Variants in ZNF469 observed in about 807,000 individuals in gnomAD.
The protein encoded by ZNF469 is zinc finger protein 469.
ZNF469 carries 1 observed loss-of-function variant against 1.0 expected under a neutral mutation model. The observed-to-expected ratio is 1.00, with a 90% confidence interval of 0.35 to 4.73. ZNF469 has a LOEUF of 4.73. Among genes scored for constraint, ZNF469 ranks in the 30% most tolerant of loss-of-function variants. The pLI is 0.16. For synonymous variants in ZNF469, 2,703 were observed against 2,363.4 expected, an observed-to-expected ratio of 1.14 and a Z score of -4.17; for missense variants, 6,100 against 5,356.3, an observed-to-expected ratio of 1.14 and a Z score of -4.33.
rs371091595 is a variant in ZNF469, at chr16:88,427,506, C to G, written c.36C>G (p.Pro12=). The G allele has an allele frequency of 9.8e-6, 15 of 1,531,360 alleles. 1 individual carries two copies. The African/African-American group carries it at 1.2e-4, about 13-fold the overall frequency. The allele number at this position is 1,531,360 out of a possible 1,614,324, so 94.9% of individuals were successfully genotyped here. The change falls in exon 3 of 3, where the codon CCC becomes CCG. Residue 12 remains proline (P), a synonymous_variant. Transcript: ENST00000565624. ...PGERPRGAPP[P]TMTGDLQPRQ... ...AGCGCCCCCGAGGAGCGCCGCCCCC[C>G]ACCATGACTGGAGACCTGCAGCCCC...
chr16:88,336,461 A>G, the ZNF469 span, among the ~76,000 whole-genome samples: 1 of 150,502 alleles, frequency 6.6e-6, no homozygotes, highest in Admixed American at 6.6e-5. Context: ...TGAGACACTA[A>G]CATGCCAATA....
At chr16:88,322,248 G>T in the ZNF469 span, among the ~76,000 whole-genome samples, 1 of 152,228 alleles carries the variant, frequency 6.6e-6, no homozygotes, top group Admixed American at 6.5e-5. Context: ...GCCCCACACA[G>T]TCCCCAGGAA....
rs951437108 is a variant in ZNF469 at position 88,383,111 on chromosome 16, C to T, written c.-335C>T. ...CGAGGCGCAGCGCGCGGCAGAGCGG[C>T]TCGGTGCCCGGCGGGCGGGCGGCCC... On this transcript the variant is annotated 5_prime_UTR_variant, in exon 1 of 3. Coordinates refer to ENST00000565624, the MANE Select transcript of ZNF469 (RefSeq NM_001367624.2). 6.7e-6 allele frequency among the ~76,000 whole-genome samples: 1 copy of T among 149,720 alleles called. No individual in the cohort carries two copies. Among genetic ancestry groups the T allele is most frequent in the Non-Finnish European group, 1.5e-5 (1 of 67,100 alleles).
At chr16:88,158,366 G>C in the ZNF469 span, among the ~76,000 whole-genome samples, 2 of 152,058 alleles carry the variant, frequency 1.3e-5, no homozygotes, top group African/African-American at 2.4e-5. Flanking sequence ...AGGCAAGGGT[G>C]TCTGGGTTGC....
the ZNF469 span, among the ~76,000 whole-genome samples, chr16:88,325,157 CG>C: frequency 1.1e-3 from 104 of 90,494 alleles, no homozygotes; most frequent in African/African-American, 3.7e-3. Context: ...ACAGCAGCTG[CG>C]ACATACACAG....
the ZNF469 span, among the ~76,000 whole-genome samples, chr16:88,197,937 A>G: frequency 6.6e-6 from 1 of 152,244 alleles, no homozygotes; most frequent in Non-Finnish European, 1.5e-5. Context: ...TGGCAGCTGC[A>G]CGCTAGTGTG....
chr16:88,169,073 C>G, the ZNF469 span, among the ~76,000 whole-genome samples: 87 of 152,138 alleles, frequency 5.7e-4, no homozygotes, highest in African/African-American at 1.8e-3. The surrounding 1 kb of genome is among the most constrained non-coding windows in gnomAD (Gnocchi z 6.1). Flanking sequence ...GTCCCTGGGA[C>G]ACCAGGGGAC....
chr16:88,436,849 C>G lies in ZNF469; in HGVS notation c.9379C>G (p.Leu3127Val). 2 of 1,530,800 alleles carry G rather than the reference C, an allele frequency of 1.3e-6. No individual in the cohort carries two copies. Among genetic ancestry groups the G allele is most frequent in the Non-Finnish European group, 1.8e-6 (2 of 1,142,502 alleles). 94.8% of individuals were successfully genotyped at this position (1,530,800 alleles called of 1,614,324 possible). A position where few individuals can be genotyped will look rare whatever the true frequency, so the allele number is the denominator to read the frequency against. ...AGTGTGCTTCCAGCGCTTCCGCAGC[C>G]TGGGCGAGCTGGACCTGCACAAGCT... ...CKVCFQRFRS[L>V]GELDLHKLAH... is the part of the protein sequence containing the mutation. The change falls in exon 3 of 3, where the codon CTG becomes GTG. Residue 3127 changes from leucine to valine, a missense_variant. Coordinates refer to ENST00000565624, the MANE Select transcript of ZNF469 (RefSeq NM_001367624.2).
At chr16:88,388,199 G>A (rs974116887) in intron 1 of ZNF469, among the ~76,000 whole-genome samples, 8 of 152,274 alleles carry the variant, frequency 5.3e-5, no homozygotes, top group Non-Finnish European at 1.0e-4. Flanking sequence ...CGAGGGAGCT[G>A]TGCCCAGGGC....
chr16:88,367,412 T>G, the ZNF469 span, among the ~76,000 whole-genome samples: 1 of 152,226 alleles, frequency 6.6e-6, no homozygotes, highest in East Asian at 1.9e-4. Flanking sequence ...GTGATGTGAC[T>G]GGCTCCAAAG....
At chr16:88,146,419 C>G in the ZNF469 span, among the ~76,000 whole-genome samples, 18 of 152,264 alleles carry the variant, frequency 1.2e-4, no homozygotes, top group Middle Eastern at 6.8e-3. Flanking sequence ...CAGTGGCAGC[C>G]GTGGCTGGAA....
chr16:88,121,110 G>C, the ZNF469 span, among the ~76,000 whole-genome samples: 1 of 147,422 alleles, frequency 6.8e-6, no homozygotes, highest in East Asian at 2.0e-4. Context: ...ATGCACGGTG[G>C]GATGGGGGGT....
At chr16:88,280,866 G>T in the ZNF469 span, among the ~76,000 whole-genome samples, 3 of 151,840 alleles carry the variant, frequency 2.0e-5, no homozygotes, top group Admixed American at 6.6e-5. Context: ...ACAGGTTAGC[G>T]CTGTGCCACA....
At chr16:88,377,721 A>C in the ZNF469 span, among the ~76,000 whole-genome samples, 1 of 151,194 alleles carries the variant, frequency 6.6e-6, no homozygotes, top group African/African-American at 2.4e-5. Context: ...TCACTTTCCA[A>C]AGCCTTCCCC....
the ZNF469 span, among the ~76,000 whole-genome samples, chr16:88,345,810 A>G: frequency 1.3e-5 from 2 of 152,142 alleles, no homozygotes; most frequent in African/African-American, 4.8e-5. Flanking sequence ...ATAGGGGAGA[A>G]TGCTTGCCAG....
the ZNF469 span, among the ~76,000 whole-genome samples, chr16:88,346,784 C>T: frequency 3.3e-5 from 5 of 152,236 alleles, no homozygotes; most frequent in South Asian, 4.1e-4. Context: ...CCTGTGTGTG[C>T]GTCCCAAGCT....
chr16:88,435,067 G>A lies in ZNF469; in HGVS notation c.7597G>A (p.Val2533Met). ...CQPPRKKSHR[V>M]SGKERPNHSR... The stretch of plus-strand genomic sequence containing the variant: ...GCCGCCCAGGAAGAAAAGCCACAGG[G>A]TGTCTGGGAAGGAGAGACCAAATCA... Residue 2533 changes from valine (V) to methionine (M), a missense_variant, in exon 3 of 3, where the codon GTG (valine) becomes ATG (methionine). Physicochemically the swap from Val to Met is conservative, Grantham distance 21 (BLOSUM62 1). Transcript: ENST00000565624. The A allele has an allele frequency of 6.4e-7, 1 of 1,550,394 alleles. No homozygotes were observed. The highest frequency in any genetic ancestry group is 8.7e-7 in the Non-Finnish European group (1 of 1,146,986).
In ZNF469 at chr16:88,424,302, G is replaced by A. The variant is rs953297653; in HGVS notation, c.-191-505G>A. On this transcript the variant is annotated intron_variant, in intron 1 of 2. Transcript: ENST00000565624. This position sits in a 1 kb window ranked among gnomAD's most constrained non-coding sequence, Gnocchi z 4.3. Reference sequence around the variant, plus strand: ...AAAGGTCAGGTGCAGAACAGTGAGCGTAGCCGACGATCTTCTGTTGAAGGA... The same window carrying A: ...AAAGGTCAGGTGCAGAACAGTGAGCATAGCCGACGATCTTCTGTTGAAGGA... 3.9e-4 allele frequency among the ~76,000 whole-genome samples: 60 copies of A among 152,338 alleles called. No individual in the cohort carries two copies. The highest frequency in any genetic ancestry group is 1.4e-3 in the African/African-American group (57 of 41,570).
chr16:88,388,162 A>C (rs998356073), intron 1 of ZNF469, among the ~76,000 whole-genome samples: 1 of 152,260 alleles, frequency 6.6e-6, no homozygotes, highest in African/African-American at 2.4e-5. Flanking sequence ...ATGAGTGAGC[A>C]GTGAGTGTGA....
Sources: gnomAD v4.1 joint callset for allele counts (sites outside exome capture counted in the v4.1 genomes callset) on GRCh38, gnomAD v4.1.1 for gene constraint, Gnocchi (gnomAD v3.1) non-coding constraint, MANE v1.5 for transcripts, NCBI Gene and HGNC (gene_info 2026-07-23, HGNC 2026-07-21) for gene names.